CD8B2: variants seen among roughly 807,000 people sequenced by gnomAD.
CD8B2 encodes the protein T-cell surface glycoprotein CD8 beta-2 chain.
Under a neutral mutation model 23.7 loss-of-function variants are expected in CD8B2, and 11 were observed. That is an observed-to-expected ratio of 0.46 (90% CI 0.29 to 0.77). The LOEUF (loss-of-function observed/expected upper bound fraction) is 0.77, where lower values mean the gene tolerates loss of function less well. Among genes scored for constraint, CD8B2 ranks in the 30% least tolerant of loss-of-function variants. CD8B2 has a pLI of 0.09. For synonymous variants in CD8B2, 90 were observed against 109.3 expected, an observed-to-expected ratio of 0.82 and a Z score of 1.10; for missense variants, 197 against 270.5, an observed-to-expected ratio of 0.73 and a Z score of 1.91.
intron 2 of CD8B2, among the ~76,000 whole-genome samples, chr2:106,493,140 C>T (rs929725412): frequency 6.6e-6 from 1 of 152,184 alleles, no homozygotes; most frequent in Admixed American, 6.5e-5. Flanking sequence ...TGCAGCCAAA[C>T]CTGCTTCTCC....
chr2:106,514,039 T>C (rs1679685748), downstream of CD8B2, among the ~76,000 whole-genome samples: 1 of 150,098 alleles, frequency 6.7e-6, no homozygotes, highest in African/African-American at 2.5e-5. Context: ...GTCTATCTTG[T>C]GGTGTAGGGG....
rs539381548 is a variant in CD8B2, at chr2:106,489,975, C to T, written c.44-899C>T. Among the ~76,000 whole-genome samples the T allele has an allele frequency of 2.6e-4, 39 of 152,148 alleles. 1 individual carries two copies. Among genetic ancestry groups the T allele is most frequent in the African/African-American group, 8.7e-4 (36 of 41,520 alleles). On this transcript the variant is annotated intron_variant, in intron 1 of 5. Transcript: ENST00000643224. ...AAGCCCCTGCTTGCCGGGTGCTTCT[C>T]GTCAGAGTCTAAGATGAACTCCCAG...
At chr2:106,499,354 G>A (rs974242456) in intron 3 of CD8B2, among the ~76,000 whole-genome samples, 4 of 152,004 alleles carry the variant, frequency 2.6e-5, no homozygotes, top group Admixed American at 1.3e-4. Context: ...TCAACATGGC[G>A]AAACCCGTCT....
rs1679465381 is a variant in CD8B2, at chr2:106,504,349, C to G, written c.620+24C>G. 31 of 1,555,380 alleles carry G rather than the reference C, an allele frequency of 2.0e-5. No homozygotes were observed. The South Asian group carries it at 3.7e-4, about 18-fold the overall frequency. On this transcript the variant is annotated intron_variant, in intron 5 of 5. Transcript: ENST00000643224. Reference sequence around the variant, plus strand: ...CAGTAAGTGTATAACCTGGGTGTGGCCTTGGGTTCCTCAGCCCCTGCTGCA... The same window carrying G: ...CAGTAAGTGTATAACCTGGGTGTGGGCTTGGGTTCCTCAGCCCCTGCTGCA...
At chr2:106,538,681 T>C (rs2104577159) in intron 5 of CD8B2, among the ~76,000 whole-genome samples, 1 of 152,288 alleles carries the variant, frequency 6.6e-6, no homozygotes, top group South Asian at 2.1e-4. Flanking sequence ...TCTCTGGTAA[T>C]AGCTGGCTTC....
chr2:106,520,579 C>A (rs958585918), intron 5 of CD8B2, among the ~76,000 whole-genome samples: 1 of 152,194 alleles, frequency 6.6e-6, no homozygotes, highest in Non-Finnish European at 1.5e-5. Flanking sequence ...CATGAACACA[C>A]ACAAGGAGTG....
At chr2:106,505,906 T>G (rs1043623192) in intron 5 of CD8B2, among the ~76,000 whole-genome samples, 8 of 152,112 alleles carry the variant, frequency 5.3e-5, no homozygotes, top group Admixed American at 1.3e-4. Context: ...CCAAGGCAGG[T>G]AGATCGCCTG....
At chr2:106,544,094 G>A in exon 6 of CD8B2, 1 of 398,640 alleles carries the variant, frequency 2.5e-6, no homozygotes, top group Non-Finnish European at 4.4e-6. Flanking sequence ...TGGCCTGTGT[G>A]CAGGCTTATC....
At chr2:106,518,311 ATCAG>A (rs1379391242) in intron 5 of CD8B2, among the ~76,000 whole-genome samples, 1 of 152,222 alleles carries the variant, frequency 6.6e-6, no homozygotes, top group African/African-American at 2.4e-5. Flanking sequence ...TTACAAAGCA[ATCAG>A]TCAGTTGAGA....
At chr2:106,498,826 CT>C (rs1389029390) in intron 3 of CD8B2, among the ~76,000 whole-genome samples, 1 of 152,188 alleles carries the variant, frequency 6.6e-6, no homozygotes, top group East Asian at 1.9e-4. Context: ...ACCTCAAAGC[CT>C]GTGATCATGA....
chr2:106,532,910 C>T (rs945179749), intron 5 of CD8B2, among the ~76,000 whole-genome samples: 1 of 152,158 alleles, frequency 6.6e-6, no homozygotes, highest in Non-Finnish European at 1.5e-5. Flanking sequence ...GAATGCAGCC[C>T]AGCAGGTCTC....
chr2:106,519,054 C>T (rs530777871), intron 5 of CD8B2, among the ~76,000 whole-genome samples: 1 of 151,998 alleles, frequency 6.6e-6, no homozygotes, highest in African/African-American at 2.4e-5. Flanking sequence ...CCTCCATTCA[C>T]TGCTCCATCA....
intron 2 of CD8B2, among the ~76,000 whole-genome samples, chr2:106,493,931 A>G (rs1313152101): frequency 6.6e-6 from 1 of 152,218 alleles, no homozygotes; most frequent in Non-Finnish European, 1.5e-5. Context: ...GGAAAGGCTC[A>G]GCACTGCTCC....
At chr2:106,539,525 G>A (rs1327892164) in intron 5 of CD8B2, among the ~76,000 whole-genome samples, 2 of 152,094 alleles carry the variant, frequency 1.3e-5, no homozygotes, top group Non-Finnish European at 2.9e-5. Flanking sequence ...ACAAATAAGG[G>A]GTCTTACTGT....
chr2:106,527,243 T>C (rs1218967942), intron 5 of CD8B2, among the ~76,000 whole-genome samples: 2 of 152,198 alleles, frequency 1.3e-5, no homozygotes, highest in African/African-American at 2.4e-5. Flanking sequence ...TTGTTACTTT[T>C]TTCTTAAAAA....
intron 5 of CD8B2, among the ~76,000 whole-genome samples, chr2:106,506,296 C>T (rs1408243202): frequency 6.6e-6 from 1 of 152,038 alleles, no homozygotes; most frequent in Non-Finnish European, 1.5e-5. Flanking sequence ...AGGCTGGATG[C>T]AGGACCTCAT....
chr2:106,534,834 T>TTTGC (rs1680061960), intron 5 of CD8B2, among the ~76,000 whole-genome samples: 1 of 151,856 alleles, frequency 6.6e-6, no homozygotes, highest in African/African-American at 2.4e-5. Context: ...TGTTTGTTTG[T>TTTGC]TTGAAACAGA....
chr2:106,494,371 T>C (rs4521039), intron 2 of CD8B2, among the ~76,000 whole-genome samples: 149,795 of 152,236 alleles, frequency 0.98, 73,742 homozygotes, highest in East Asian at 1. Flanking sequence ...TGGTCTTGGA[T>C]TCCTGACCTC....
At chr2:106,501,564 C>A (rs1209206837) in intron 3 of CD8B2, among the ~76,000 whole-genome samples, 1 of 152,160 alleles carries the variant, frequency 6.6e-6, no homozygotes, top group African/African-American at 2.4e-5. Context: ...CGCCTGTAAT[C>A]CCAGCTACTT....
Sources: allele counts gnomAD v4.1 joint callset (sites outside exome capture counted in the v4.1 genomes callset), GRCh38; gene constraint gnomAD v4.1.1; transcripts MANE v1.5; gene names NCBI Gene and HGNC (gene_info 2026-07-23, HGNC 2026-07-21).